SCMH1: variants seen among roughly 807,000 people sequenced by gnomAD.
SCMH1 encodes Scm polycomb group protein homolog 1, also known as polycomb protein SCMH1.
In SCMH1, 37 loss-of-function variants were observed where a neutral mutation model predicts 70.8. That is an observed-to-expected ratio of 0.52 (90% CI 0.40 to 0.69). SCMH1 has a LOEUF of 0.69. Among genes scored for constraint, SCMH1 ranks in the 30% least tolerant of loss-of-function variants. The pLI is 0.00. For synonymous variants in SCMH1, 292 were observed against 307.4 expected, an observed-to-expected ratio of 0.95 and a Z score of 0.52; for missense variants, 607 against 827.3, an observed-to-expected ratio of 0.73 and a Z score of 3.27.
intron 8 of SCMH1, among the ~76,000 whole-genome samples, chr1:41,093,140 T>C (rs1225338746): frequency 6.6e-6 from 1 of 151,750 alleles, no homozygotes; most frequent in Admixed American, 6.6e-5. Context: ...CCATCAATGA[T>C]AGACTGGATT....
intron 1 of SCMH1, among the ~76,000 whole-genome samples, chr1:41,220,862 AG>A (rs1459376868): frequency 8.5e-5 from 13 of 152,268 alleles, no homozygotes; most frequent in African/African-American, 2.9e-4. Flanking sequence ...ATCTTGACAC[AG>A]GTTGGAACCA....
intron 8 of SCMH1, among the ~76,000 whole-genome samples, chr1:41,091,532 C>T (rs567304290): frequency 4.7e-4 from 71 of 152,252 alleles, no homozygotes; most frequent in Non-Finnish European, 8.5e-4. Context: ...AAGTTCTGGC[C>T]AGGGCAATCA....
chr1:41,028,222 A>G, exon 15 of SCMH1: 1 of 1,605,792 alleles, frequency 6.2e-7, no homozygotes, highest in Non-Finnish European at 8.5e-7. Flanking sequence ...CAGCCGGTCA[A>G]TGTGGTAGGA....
chr1:41,086,031 G>A (rs907491618), intron 8 of SCMH1, among the ~76,000 whole-genome samples: 5 of 151,850 alleles, frequency 3.3e-5, no homozygotes, highest in African/African-American at 4.8e-5. Flanking sequence ...AGTAGAGATA[G>A]GGTTTCACCA....
chr1:41,204,989 T>C (rs764995138), intron 1 of SCMH1, among the ~76,000 whole-genome samples: 1 of 152,232 alleles, frequency 6.6e-6, no homozygotes. Flanking sequence ...TATACTTGGA[T>C]GGCTTATAAT....
chr1:41,164,319 C>T (rs1391291829), intron 2 of SCMH1, among the ~76,000 whole-genome samples: 1 of 151,996 alleles, frequency 6.6e-6, no homozygotes, highest in Non-Finnish European at 1.5e-5. Flanking sequence ...TTACACCACC[C>T]AGAAATCATA....
chr1:41,164,043 T>C (rs953102856), intron 2 of SCMH1, among the ~76,000 whole-genome samples: 1 of 152,192 alleles, frequency 6.6e-6, no homozygotes, highest in Non-Finnish European at 1.5e-5. Flanking sequence ...TCACCATCAA[T>C]CACCTATCAT....
intron 6 of SCMH1, among the ~76,000 whole-genome samples, chr1:41,123,126 C>G (rs1672345198): frequency 6.6e-6 from 1 of 152,130 alleles, no homozygotes; most frequent in African/African-American, 2.4e-5. Context: ...AAGGCTCATG[C>G]AGGATGACTG....
chr1:41,207,803 T>C (rs1230219963), intron 1 of SCMH1, among the ~76,000 whole-genome samples: 2 of 151,828 alleles, frequency 1.3e-5, no homozygotes, highest in African/African-American at 4.8e-5. Flanking sequence ...TGTGGAGAAA[T>C]AGGAACACTT....
intron 2 of SCMH1, 153 bp from the exon 3 acceptor site, chr1:41,161,585 T>A: frequency 2.3e-6 from 2 of 856,996 alleles, no homozygotes; most frequent in Non-Finnish European, 3.3e-6. Context: ...AGAAAAAGGT[T>A]TTATGTAAAA....
chr1:41,049,074 C>T (rs962406202), intron 10 of SCMH1, among the ~76,000 whole-genome samples, 184 bp from the exon 11 acceptor site: 2 of 152,200 alleles, frequency 1.3e-5, no homozygotes, highest in African/African-American at 2.4e-5. Context: ...TGCCCAGCTA[C>T]TGCCAACCCA....
At chr1:41,044,460 G>A (rs1312944381) in intron 12 of SCMH1, among the ~76,000 whole-genome samples, 4 of 151,970 alleles carry the variant, frequency 2.6e-5, no homozygotes, top group Non-Finnish European at 1.5e-5. Flanking sequence ...AAGGCAGGCA[G>A]GCAAGCAGGC....
intron 12 of SCMH1, among the ~76,000 whole-genome samples, chr1:41,041,979 C>T (rs1317897258): frequency 5.9e-5 from 9 of 152,182 alleles, no homozygotes. Flanking sequence ...CTGCCTCATA[C>T]TGAGCCACTG....
chr1:41,046,127 C>T (rs1262660380), intron 12 of SCMH1, among the ~76,000 whole-genome samples: 1 of 152,122 alleles, frequency 6.6e-6, no homozygotes, highest in Non-Finnish European at 1.5e-5. Context: ...CACATGCAGT[C>T]TGAAACTCAG....
intron 2 of SCMH1, among the ~76,000 whole-genome samples, chr1:41,178,615 A>G (rs552489750): frequency 3.9e-5 from 6 of 152,348 alleles, no homozygotes; most frequent in African/African-American, 1.2e-4. Flanking sequence ...CTTTAAACCA[A>G]CAAAGATCAA....
chr1:41,135,773 G>T (rs1024531423), intron 6 of SCMH1, among the ~76,000 whole-genome samples: 1 of 152,062 alleles, frequency 6.6e-6, no homozygotes, highest in Admixed American at 6.6e-5. Flanking sequence ...ATGCTGAATA[G>T]AACAGATACA....
intron 10 of SCMH1, among the ~76,000 whole-genome samples, chr1:41,057,879 G>A (rs931025559): frequency 6.6e-6 from 1 of 152,072 alleles, no homozygotes; most frequent in African/African-American, 2.4e-5. Context: ...AGCACTTTGT[G>A]GGGGGTCAAG....
At chr1:41,075,077 T>C (rs1657840374) in intron 9 of SCMH1, 142 bp downstream of exon 9, 1 of 738,688 alleles carries the variant, frequency 1.4e-6, no homozygotes, top group Non-Finnish European at 2.3e-6. Flanking sequence ...TTAGCCAGGA[T>C]GGTCTCGATC....
intron 5 of SCMH1, among the ~76,000 whole-genome samples, chr1:41,150,169 TCA>T (rs1644938867): frequency 1.3e-5 from 2 of 152,194 alleles, no homozygotes; most frequent in African/African-American, 2.4e-5. Context: ...TTTCTCTCTC[TCA>T]GAGATCACTG....
Sources: gnomAD v4.1 joint callset for allele counts (sites outside exome capture counted in the v4.1 genomes callset) on GRCh38, gnomAD v4.1.1 for gene constraint, MANE v1.5 for transcripts, NCBI Gene and HGNC (gene_info 2026-07-23, HGNC 2026-07-21) for gene names.